Variants in NEK7 observed in about 807,000 individuals in gnomAD.
NEK7 encodes serine/threonine-protein kinase Nek7.
In NEK7, 18 loss-of-function variants were observed where a neutral mutation model predicts 44.6. The ratio of observed to expected loss-of-function variants is 0.40; its 90% CI spans 0.28 to 0.60. The LOEUF (loss-of-function observed/expected upper bound fraction) is 0.60. NEK7 is among the 20% of genes least tolerant of loss of function. The probability of loss-of-function intolerance (pLI) is 0.38; values close to 1 mark genes in which losing one functional copy is unlikely to be tolerated. For synonymous variants in NEK7, 130 were observed against 121.1 expected, an observed-to-expected ratio of 1.07 and a Z score of -0.48; for missense variants, 256 against 366.5, an observed-to-expected ratio of 0.70 and a Z score of 2.46.
chr1:198,198,237 C>G, intron 1 of NEK7: 1 of 626,888 alleles, frequency 1.6e-6, no homozygotes, highest in Non-Finnish European at 3.0e-6. Context: ...TTGATGCATT[C>G]TCCTCAGCTC....
chr1:198,214,875 T>A (rs1421248441), intron 1 of NEK7, among the ~76,000 whole-genome samples: 1 of 152,162 alleles, frequency 6.6e-6, no homozygotes, highest in Non-Finnish European at 1.5e-5. Flanking sequence ...AGGCATATAG[T>A]CATTAGGCTA....
chr1:198,195,739 AG>A (rs1295343645), intron 1 of NEK7, among the ~76,000 whole-genome samples: 2 of 152,076 alleles, frequency 1.3e-5, no homozygotes, highest in African/African-American at 4.8e-5. Context: ...GCAGGAGAAT[AG>A]CTTGAACCCG....
intron 5 of NEK7, among the ~76,000 whole-genome samples, chr1:198,267,567 C>T (rs1653695882): frequency 6.6e-6 from 1 of 152,058 alleles, no homozygotes; most frequent in Non-Finnish European, 1.5e-5. Context: ...TCTCTGCCTC[C>T]CTAGTAGCTA....
At chr1:198,233,178 C>T (rs930844739) in intron 2 of NEK7, among the ~76,000 whole-genome samples, 1 of 151,712 alleles carries the variant, frequency 6.6e-6, no homozygotes, top group Admixed American at 6.6e-5. Context: ...GCTGATCTTG[C>T]CTTGCCCACA....
intron 3 of NEK7, among the ~76,000 whole-genome samples, chr1:198,260,104 G>A (rs1335143115): frequency 2.0e-5 from 3 of 152,058 alleles, no homozygotes; most frequent in Admixed American, 6.6e-5. Flanking sequence ...TAGAAAGGGT[G>A]GGCATTAACA....
intron 1 of NEK7, among the ~76,000 whole-genome samples, chr1:198,178,155 C>T (rs949543967): frequency 2.0e-5 from 3 of 152,026 alleles, no homozygotes; most frequent in Admixed American, 6.6e-5. Context: ...CATCAGAAAA[C>T]ACAGAGGAGT....
At chr1:198,276,649 G>A (rs969247593) in intron 5 of NEK7, among the ~76,000 whole-genome samples, 2 of 151,610 alleles carry the variant, frequency 1.3e-5, no homozygotes, top group African/African-American at 4.8e-5. Flanking sequence ...TATTCTTTGG[G>A]ATGTAATGTT....
At chr1:198,317,415 T>C (rs1341791124) in intron 9 of NEK7, among the ~76,000 whole-genome samples, 1 of 152,216 alleles carries the variant, frequency 6.6e-6, no homozygotes, top group African/African-American at 2.4e-5. Context: ...TTCTCCCTTT[T>C]TGTTATTCCC....
intron 1 of NEK7, among the ~76,000 whole-genome samples, chr1:198,162,987 T>A (rs1664153868): frequency 6.6e-6 from 1 of 152,176 alleles, no homozygotes; most frequent in African/African-American, 2.4e-5. Flanking sequence ...ATTGTTTTTT[T>A]AAATTGTTGA....
intron 2 of NEK7, among the ~76,000 whole-genome samples, chr1:198,235,030 C>T (rs1030618678): frequency 3.3e-5 from 5 of 152,016 alleles, no homozygotes; most frequent in African/African-American, 1.2e-4. Flanking sequence ...TGTTTTGTTC[C>T]ACACCACTGG....
intron 1 of NEK7, among the ~76,000 whole-genome samples, chr1:198,193,699 A>G (rs1475517397): frequency 6.6e-6 from 1 of 152,118 alleles, no homozygotes; most frequent in Non-Finnish European, 1.5e-5. Context: ...ACAGAACTAA[A>G]TGATTATCTT....
chr1:198,293,134 T>G, intron 8 of NEK7, 95 bp downstream of exon 8: 1 of 646,198 alleles, frequency 1.5e-6, no homozygotes, highest in Non-Finnish European at 2.6e-6. Flanking sequence ...TCTGGATGTT[T>G]AAGAATCACC....
At chr1:198,256,619 GC>G in intron 3 of NEK7, 1 of 1,084,016 alleles carries the variant, frequency 9.2e-7, no homozygotes, top group Non-Finnish European at 1.3e-6. Flanking sequence ...GTATTTATTG[GC>G]CACCTAGTGT....
intron 5 of NEK7, among the ~76,000 whole-genome samples, chr1:198,271,198 A>G (rs1653834088): frequency 6.6e-6 from 1 of 152,000 alleles, no homozygotes; most frequent in South Asian, 2.1e-4. Context: ...GTCCTTCTTG[A>G]TTAACTCAAA....
intron 9 of NEK7, among the ~76,000 whole-genome samples, chr1:198,313,778 C>T (rs7519225): frequency 0.14 from 21,149 of 147,662 alleles, 1,818 homozygotes; most frequent in East Asian, 0.42. Context: ...CCACTCTCTT[C>T]TGGCTTGTAG....
chr1:198,168,886 A>G (rs1664347780), intron 1 of NEK7, among the ~76,000 whole-genome samples: 1 of 152,200 alleles, frequency 6.6e-6, no homozygotes, highest in Non-Finnish European at 1.5e-5. Context: ...TGGCTGGAAT[A>G]AAGTAGGAGG....
chr1:198,268,030 A>T (rs930661621), intron 5 of NEK7, among the ~76,000 whole-genome samples: 1 of 151,804 alleles, frequency 6.6e-6, no homozygotes, highest in African/African-American at 2.4e-5. Context: ...CGGCTTATTG[A>T]GTCCCACAGT....
rs144669715 is a variant in NEK7, at chr1:198,196,070, T to G, written c.-28-36483T>G. On this transcript the variant is annotated intron_variant, in intron 1 of 9. Transcript: ENST00000367385. The stretch of plus-strand genomic sequence containing the variant: ...TGATGATTAAGATAAAGTTAATAAT[T>G]TATTAATTGAAAGTGAGTCAGACTC... Among the ~76,000 whole-genome samples the G allele has an allele frequency of 4.6e-3, 704 of 152,284 alleles. 6 individuals are homozygous for G. The highest frequency in any genetic ancestry group is 0.016 in the African/African-American group (655 of 41,552).
At chr1:198,307,898 A>C (rs1655062364) in intron 9 of NEK7, among the ~76,000 whole-genome samples, 1 of 151,330 alleles carries the variant, frequency 6.6e-6, no homozygotes, top group East Asian at 2.0e-4. Context: ...TTCAAACCAA[A>C]AGACCAAGTA....
Sources: allele counts gnomAD v4.1 joint callset (sites outside exome capture counted in the v4.1 genomes callset), GRCh38; gene constraint gnomAD v4.1.1; transcripts MANE v1.5; gene names NCBI Gene and HGNC (gene_info 2026-07-23, HGNC 2026-07-21).